Variants in TRIO observed in about 807,000 individuals in gnomAD.
TRIO encodes trio Rho guanine nucleotide exchange factor.
Under a neutral mutation model 351.9 loss-of-function variants are expected in TRIO, and 58 were observed. The ratio of observed to expected loss-of-function variants is 0.16; its 90% CI spans 0.13 to 0.21. The LOEUF is 0.21. Among genes scored for constraint, TRIO ranks in the 10% least tolerant of loss-of-function variants. The pLI is 1.00. For synonymous variants in TRIO, 1,758 were observed against 1,595.7 expected (o/e 1.10, Z -2.42); for missense variants, 3,201 against 4,027.8 (o/e 0.79, Z 5.56).
At chr5:14,179,020 G>A (rs937930895) in intron 1 of TRIO, among the ~76,000 whole-genome samples, 1 of 152,156 alleles carries the variant, frequency 6.6e-6, no homozygotes, top group Non-Finnish European at 1.5e-5. Flanking sequence ...GCTCAGAAGG[G>A]GGTCTTTGTA....
rs565004589 is a variant in TRIO at position 14,374,113 on chromosome 5, A to G, written c.3217-116A>G. On this transcript the variant is annotated intron_variant, in intron 18 of 56. Transcript: ENST00000344204. The stretch of plus-strand genomic sequence containing the variant: ...TATCCTATGCATTTTCTAAACCAGC[A>G]GGTGGCCAGATAAATATTTTAGGTA... The G allele has an allele frequency of 2.0e-5, 13 of 644,752 alleles. No homozygotes were observed. The African/African-American group carries it at 2.0e-4, about 10-fold the overall frequency. 39.9% of individuals were successfully genotyped at this position (644,752 alleles called of 1,614,324 possible).
chr5:14,459,633 G>A (rs949394328), intron 34 of TRIO, among the ~76,000 whole-genome samples: 2 of 152,186 alleles, frequency 1.3e-5, no homozygotes, highest in African/African-American at 4.8e-5. Flanking sequence ...CCAGCTACTT[G>A]GGAGGCTGAG....
At chr5:14,294,917 TA>T (rs1737213309) in intron 6 of TRIO, among the ~76,000 whole-genome samples, 2 of 152,318 alleles carry the variant, frequency 1.3e-5, no homozygotes, top group African/African-American at 4.8e-5. Flanking sequence ...GAGTTACAGC[TA>T]TTTTTTTTGG....
At chr5:14,308,489 A>G (rs1485194853) in intron 8 of TRIO, among the ~76,000 whole-genome samples, 4 of 150,264 alleles carry the variant, frequency 2.7e-5, no homozygotes, top group Admixed American at 2.6e-4. Context: ...TTACCCAGCC[A>G]CCCATCCGTC....
Position 14,314,676 on chromosome 5 carries a change from T to C in TRIO, c.1501-1837T>C, listed in dbSNP as rs533146733. Among the ~76,000 whole-genome samples the C allele has an allele frequency of 2.1e-4, 32 of 152,358 alleles. No individual in the cohort carries two copies. The South Asian group carries it at 6.4e-3, about 31-fold the overall frequency. On this transcript the variant is annotated intron_variant, in intron 8 of 56. Coordinates refer to ENST00000344204, the MANE Select transcript of TRIO (RefSeq NM_007118.4). ...CGAAAAGCAGGACATTTCTTCACCA[T>C]GTGCTAATATCCTGCTCATTTCAGA...
chr5:14,198,203 A>G (rs1429428691), intron 1 of TRIO, among the ~76,000 whole-genome samples: 1 of 152,220 alleles, frequency 6.6e-6, no homozygotes, highest in East Asian at 1.9e-4. Flanking sequence ...ATGATTTCAT[A>G]TAGCATGTAT....
chr5:14,307,644 C>G (rs1435907570), intron 8 of TRIO, among the ~76,000 whole-genome samples: 1 of 152,214 alleles, frequency 6.6e-6, no homozygotes, highest in African/African-American at 2.4e-5. Context: ...CAGGGTTTCT[C>G]CAATGCACAG....
chr5:14,414,790 T>C (rs1749504329), intron 33 of TRIO, among the ~76,000 whole-genome samples: 1 of 152,220 alleles, frequency 6.6e-6, no homozygotes, highest in Non-Finnish European at 1.5e-5. Context: ...TTTGACCTTA[T>C]GTAAAGCAGC....
intron 13 of TRIO, 119 bp downstream of exon 13, chr5:14,359,650 C>A: frequency 8.3e-7 from 1 of 1,209,954 alleles, no homozygotes; most frequent in Admixed American, 2.6e-5. Context: ...CACCCCAACC[C>A]TCTGCACCAG....
At chr5:14,399,568 A>T (rs1747895792) in intron 30 of TRIO, among the ~76,000 whole-genome samples, 1 of 152,240 alleles carries the variant, frequency 6.6e-6, no homozygotes, top group African/African-American at 2.4e-5. Context: ...AATATACTTA[A>T]GCCAAAGTAC....
intron 16 of TRIO, among the ~76,000 whole-genome samples, chr5:14,367,461 C>T (rs1744704255): frequency 6.6e-6 from 1 of 152,316 alleles, no homozygotes; most frequent in Non-Finnish European, 1.5e-5. Context: ...GTAAACGATG[C>T]CGACAGCAAA....
In TRIO at chr5:14,248,034, C is replaced by G. The variant is rs145678237; in HGVS notation, c.158-22791C>G. ...TGAGCCGAGATTGCGCCACTGCACT[C>G]CACCCTGGGCAACAGAGCGAGACTC... On this transcript the variant is annotated intron_variant, in intron 1 of 56. Transcript: ENST00000344204. 1.5e-4 allele frequency among the ~76,000 whole-genome samples: 22 copies of G among 150,830 alleles called. 1 individual carries two copies. The East Asian group carries it at 4.3e-3, about 30-fold the overall frequency.
rs185369648 is a variant in TRIO, at chr5:14,215,956, A to G, written c.158-54869A>G. 4.6e-5 allele frequency among the ~76,000 whole-genome samples: 7 copies of G among 152,120 alleles called. No individual in the cohort carries two copies. In the East Asian group the frequency reaches 1.4e-3, roughly 29 times the overall value. On this transcript the variant is annotated intron_variant, in intron 1 of 56. Transcript: ENST00000344204. ...ATCAAATTTGAATTCCATCCCCTCC[A>G]CTTAATCAAGCCGTTTGATCTTAGC...
chr5:14,368,694 T>C lies in TRIO; in HGVS notation c.2875-14T>C. Reference sequence around the variant, plus strand: ...ACTGACAAATAAGCCTTCCCTTTTGTTCTCTGTCTCTAGAAAACACATCAG... The same window carrying C: ...ACTGACAAATAAGCCTTCCCTTTTGCTCTCTGTCTCTAGAAAACACATCAG... On this transcript the variant is annotated splice_polypyrimidine_tract_variant and intron_variant, in intron 16 of 56. Coordinates refer to ENST00000344204, the MANE Select transcript of TRIO (RefSeq NM_007118.4). 1 of 1,606,124 alleles carries C rather than the reference T, an allele frequency of 6.2e-7. No homozygotes were observed. The highest frequency in any genetic ancestry group is 8.5e-7 in the Non-Finnish European group (1 of 1,173,654).
At chr5:14,201,248 G>C (rs912953581) in intron 1 of TRIO, among the ~76,000 whole-genome samples, 1 of 151,924 alleles carries the variant, frequency 6.6e-6, no homozygotes, top group Non-Finnish European at 1.5e-5. Flanking sequence ...CAACAAGAGC[G>C]AAACTCCATC....
chr5:14,394,424 C>T (rs533152561), intron 28 of TRIO, among the ~76,000 whole-genome samples: 13 of 152,232 alleles, frequency 8.5e-5, no homozygotes, highest in African/African-American at 2.9e-4. Context: ...TTGCTGACTG[C>T]GGGCCAGGCA....
intron 10 of TRIO, among the ~76,000 whole-genome samples, chr5:14,331,218 C>T (rs543490173): frequency 7.6e-4 from 115 of 152,270 alleles, no homozygotes; most frequent in African/African-American, 2.6e-3. Context: ...GTTCCTTCTG[C>T]GTTTCTATAG....
At chr5:14,247,236 T>C (rs1221492142) in intron 1 of TRIO, among the ~76,000 whole-genome samples, 1 of 152,242 alleles carries the variant, frequency 6.6e-6, no homozygotes, top group Non-Finnish European at 1.5e-5. Context: ...AGTCAAGACA[T>C]GGAAATGTCC....
intron 49 of TRIO, among the ~76,000 whole-genome samples, chr5:14,495,689 C>T (rs1165144738): frequency 8.5e-6 from 1 of 118,062 alleles, no homozygotes; most frequent in Non-Finnish European, 1.7e-5. Context: ...AAAAAAAAGG[C>T]CAGGCGTGGT....
Sources: allele counts gnomAD v4.1 joint callset (sites outside exome capture counted in the v4.1 genomes callset), GRCh38; gene constraint gnomAD v4.1.1; transcripts MANE v1.5; gene names NCBI Gene and HGNC (gene_info 2026-07-23, HGNC 2026-07-21).